RUFY2: variants seen among roughly 807,000 people sequenced by gnomAD.
The protein encoded by RUFY2 is RUN and FYVE domain containing 2.
RUFY2 carries 49 observed loss-of-function variants against 94.4 expected under a neutral mutation model. That is an observed-to-expected ratio of 0.52 (90% CI 0.41 to 0.66). The LOEUF is 0.66. Ranked by LOEUF, RUFY2 falls within the 30% of genes least tolerant of loss-of-function variation. The probability of loss-of-function intolerance (pLI) is 0.00; values close to 1 mark genes in which losing one functional copy is unlikely to be tolerated. For missense variants in RUFY2, 541 were observed against 692.8 expected (o/e 0.78, Z 2.46); for synonymous variants, 255 against 235.7 (o/e 1.08, Z -0.75).
At chr10:68,386,190 AT>A in intron 7 of RUFY2, 62 bp from the exon 8 acceptor site, 1 of 1,346,706 alleles carries the variant, frequency 7.4e-7, no homozygotes, top group Non-Finnish European at 1.1e-6. Context: ...GCACGAAAAA[AT>A]ATGTTATCCT....
chr10:68,400,549 A>G (rs554161272), intron 3 of RUFY2, among the ~76,000 whole-genome samples: 3 of 141,836 alleles, frequency 2.1e-5, no homozygotes, highest in Non-Finnish European at 3.1e-5. Flanking sequence ...GGTGGCATGC[A>G]CCTGTAATCC....
intron 8 of RUFY2, 33 bp downstream of exon 8, chr10:68,386,026 G>A (rs1337321611): frequency 7.1e-7 from 1 of 1,418,046 alleles, no homozygotes; most frequent in Non-Finnish European, 9.8e-7. Flanking sequence ...CAAACACTAG[G>A]TCCATGAAAT....
At chr10:68,346,152 C>A in intron 16 of RUFY2, 68 bp from the exon 17 acceptor site, 2 of 1,182,836 alleles carry the variant, frequency 1.7e-6, no homozygotes, top group East Asian at 2.5e-5. Context: ...ACTTTTTCCC[C>A]CAAGAACATT....
downstream of RUFY2, chr10:68,342,305 CTCCTAAAGATGTGCT>C: frequency 5.3e-6 from 2 of 374,540 alleles, no homozygotes; most frequent in South Asian, 9.1e-5. Context: ...ATACTAGTTA[CTCCTAAAGATGTGCT>C]GCCTTCATAA....
intron 7 of RUFY2, among the ~76,000 whole-genome samples, chr10:68,389,664 C>A (rs1037578856): frequency 2.6e-5 from 4 of 151,826 alleles, no homozygotes; most frequent in Non-Finnish European, 5.9e-5. Flanking sequence ...CATGGTGGCT[C>A]ACACCTGTAA....
At chr10:68,365,520 T>A (rs755079441) in intron 13 of RUFY2, among the ~76,000 whole-genome samples, 2 of 152,208 alleles carry the variant, frequency 1.3e-5, no homozygotes, top group Non-Finnish European at 2.9e-5. Flanking sequence ...TCCTACTGGG[T>A]GCCTGAGCCA....
chr10:68,398,481 G>A lies in RUFY2; in HGVS notation c.297-1600C>T, dbSNP rs537460885. Among the ~76,000 whole-genome samples the A allele has an allele frequency of 2.7e-3, 404 of 152,074 alleles. 2 individuals carry two copies. The highest frequency in any genetic ancestry group is 9.0e-3 in the African/African-American group (374 of 41,484). ...AGCCTGGCCAACATGGTGAAACCCC[G>A]TCTCCACTAAAAATACAAAAATTAG... On this transcript the variant is annotated intron_variant, in intron 3 of 17. Coordinates refer to ENST00000602465, the MANE Select transcript of RUFY2 (RefSeq NM_001330103.2).
At chr10:68,364,947 T>G (rs769756840) in intron 13 of RUFY2, among the ~76,000 whole-genome samples, 1 of 152,042 alleles carries the variant, frequency 6.6e-6, no homozygotes, top group Non-Finnish European at 1.5e-5. Flanking sequence ...ACAAATCACT[T>G]CCATGATTAT....
chr10:68,354,849 C>CT lies in RUFY2; in HGVS notation c.1599+503dup, dbSNP rs11314109. Among the ~76,000 whole-genome samples the CT allele has an allele frequency of 9.0e-3, 1,267 of 140,168 alleles. 25 individuals carry two copies. The highest frequency in any genetic ancestry group is 0.03 in the African/African-American group (1,169 of 38,890). The allele number at this position is 140,168 out of a possible 152,430, so 92.0% of individuals were successfully genotyped here. A position where few individuals can be genotyped will look rare whatever the true frequency, so the allele number is the denominator to read the frequency against. On this transcript the variant is annotated intron_variant, in intron 16 of 17. Transcript: ENST00000602465. ...ACAAAATTATTTCTAAGGTCAGTTTCTTTTTTTTTTTTTTTGAGAAAGAGT... is the reference window on the plus strand; with the variant it reads ...ACAAAATTATTTCTAAGGTCAGTTTCTTTTTTTTTTTTTTTTGAGAAAGAGT...
chr10:68,361,372 T>C (rs1217153585), intron 15 of RUFY2, among the ~76,000 whole-genome samples: 2 of 152,256 alleles, frequency 1.3e-5, no homozygotes, highest in African/African-American at 4.8e-5. Flanking sequence ...TAAACCATTA[T>C]GATCTTAGTA....
intron 15 of RUFY2, among the ~76,000 whole-genome samples, chr10:68,359,293 T>A (rs1266681977): frequency 6.7e-6 from 1 of 148,564 alleles, no homozygotes; most frequent in African/African-American, 2.4e-5. Context: ...CAGGAGATTT[T>A]GTATATATAC....
At chr10:68,349,894 T>A (rs922627026) in intron 16 of RUFY2, among the ~76,000 whole-genome samples, 1 of 152,086 alleles carries the variant, frequency 6.6e-6, no homozygotes. Context: ...ACGCTATTTT[T>A]AAAAGGAAAA....
chr10:68,405,167 G>C (rs1042159148), intron 1 of RUFY2, among the ~76,000 whole-genome samples: 1 of 151,990 alleles, frequency 6.6e-6, no homozygotes, highest in Non-Finnish European at 1.5e-5. Flanking sequence ...ACAAAAATTA[G>C]CTGGGCATGG....
chr10:68,373,534 AG>A (rs1214866630), intron 13 of RUFY2, among the ~76,000 whole-genome samples: 3 of 152,184 alleles, frequency 2.0e-5, no homozygotes, highest in South Asian at 2.1e-4. Context: ...TAGGAGGCTG[AG>A]GCAGAGGAAT....
At chr10:68,342,040 C>T (rs1341725930), downstream of RUFY2, 4 of 1,613,304 alleles carry the variant, frequency 2.5e-6, no homozygotes, top group Middle Eastern at 1.7e-4. Flanking sequence ...AGGTGGATGG[C>T]GTGGGATGTA....
In RUFY2 at chr10:68,364,205, T is replaced by G. The variant is rs964115653; in HGVS notation, c.1326-92A>C. On this transcript the variant is annotated intron_variant, in intron 13 of 17. Transcript: ENST00000602465. Reference sequence around the variant, plus strand: ...TACTAAAATCACCCTTTTGGTTTATTACTTTGGCCTTTGTAATGCATTTTT... The same window carrying G: ...TACTAAAATCACCCTTTTGGTTTATGACTTTGGCCTTTGTAATGCATTTTT... 8 of 1,266,318 alleles carry G rather than the reference T, an allele frequency of 6.3e-6. No homozygotes were observed. The African/African-American group carries it at 9.0e-5, about 14-fold the overall frequency. 78.4% of individuals were successfully genotyped at this position (1,266,318 alleles called of 1,614,324 possible).
At chr10:68,383,403 G>T (rs192893963) in intron 10 of RUFY2, among the ~76,000 whole-genome samples, 13 of 152,200 alleles carry the variant, frequency 8.5e-5, no homozygotes, top group Middle Eastern at 3.4e-3. Flanking sequence ...CAGATCACTT[G>T]AGGCCAGGAG....
chr10:68,393,471 T>C (rs904309246), intron 6 of RUFY2, among the ~76,000 whole-genome samples: 1 of 152,146 alleles, frequency 6.6e-6, no homozygotes, highest in Non-Finnish European at 1.5e-5. Context: ...CTCATTCCTG[T>C]AATCCCAGCA....
chr10:68,383,039 T>C (rs1827701776), intron 10 of RUFY2, among the ~76,000 whole-genome samples: 1 of 152,200 alleles, frequency 6.6e-6, no homozygotes, highest in Admixed American at 6.6e-5. Flanking sequence ...AAAACACTGA[T>C]ACAGGTCAGG....
Sources: allele counts gnomAD v4.1 joint callset (sites outside exome capture counted in the v4.1 genomes callset), GRCh38; gene constraint gnomAD v4.1.1; transcripts MANE v1.5; gene names NCBI Gene and HGNC (gene_info 2026-07-23, HGNC 2026-07-21).